The following WDFY2 variants were observed in gnomAD, a reference collection of about 807,000 sequenced individuals.
WDFY2 encodes WD repeat and FYVE domain containing 2.
Under a neutral mutation model 56.4 loss-of-function variants are expected in WDFY2, and 36 were observed. The ratio of observed to expected loss-of-function variants is 0.64; its 90% CI spans 0.49 to 0.84. The LOEUF (loss-of-function observed/expected upper bound fraction) is 0.84, where lower values mean the gene tolerates loss of function less well. WDFY2 is among the 40% of genes least tolerant of loss of function. The pLI, the probability that WDFY2 is intolerant of heterozygous loss-of-function variation, is 0.00. For missense variants in WDFY2, 444 were observed against 512.2 expected (o/e 0.87, Z 1.29); for synonymous variants, 176 against 183.7 (o/e 0.96, Z 0.34).
chr13:51,681,782 A>G (rs938668232), intron 3 of WDFY2, among the ~76,000 whole-genome samples: 8 of 152,138 alleles, frequency 5.3e-5, no homozygotes, highest in African/African-American at 1.4e-4. Context: ...GTTGCTTACT[A>G]TTTATTCATT....
rs192121779 is a variant in WDFY2, at chr13:51,643,796, T to G, written c.138-16800T>G. 2.1e-3 allele frequency among the ~76,000 whole-genome samples: 321 copies of G among 152,278 alleles called. 2 individuals carry two copies. The highest frequency in any genetic ancestry group is 1.1e-3 in the Non-Finnish European group (75 of 68,022). ...TCTTTAATTTCCCTTTCTTTTTTCT[T>G]TTTTTCCCTGTATTTATATGACCTT... is the stretch of plus-strand genomic sequence containing the variant. On this transcript the variant is annotated intron_variant, in intron 1 of 11. Transcript: ENST00000298125.
intron 3 of WDFY2, among the ~76,000 whole-genome samples, chr13:51,684,978 C>T (rs1956037621): frequency 6.6e-6 from 1 of 152,114 alleles, no homozygotes; most frequent in Non-Finnish European, 1.5e-5. Flanking sequence ...AGCTCCAAGC[C>T]CTTCATTCTC....
At chr13:51,716,256 A>G (rs1303451339) in intron 4 of WDFY2, among the ~76,000 whole-genome samples, 3 of 152,202 alleles carry the variant, frequency 2.0e-5, no homozygotes, top group Non-Finnish European at 4.4e-5. Context: ...TCATTTTGGG[A>G]TGATGGAAAT....
In WDFY2 at chr13:51,624,808, A is replaced by G. The variant is rs188768460; in HGVS notation, c.138-35788A>G. 1.3e-3 allele frequency among the ~76,000 whole-genome samples: 198 copies of G among 152,314 alleles called. 2 individuals are homozygous for G. Among genetic ancestry groups the G allele is most frequent in the Admixed American group, 9.1e-3 (139 of 15,296 alleles). On this transcript the variant is annotated intron_variant, in intron 1 of 11. Transcript: ENST00000298125. ...GGGGGTTTGCTCTGGGGCTATTTGG[A>G]CATGACTCTTCTTGGCTGAGGGAAC...
intron 3 of WDFY2, among the ~76,000 whole-genome samples, chr13:51,689,003 T>C (rs540230421): frequency 6.6e-6 from 1 of 152,200 alleles, no homozygotes; most frequent in Non-Finnish European, 1.5e-5. Context: ...GTGTGATACA[T>C]CAGTGTTCTG....
intron 8 of WDFY2, 178 bp downstream of exon 8, chr13:51,751,593 A>G: frequency 1.6e-6 from 1 of 612,744 alleles, no homozygotes; most frequent in South Asian, 1.7e-5. Flanking sequence ...GGCATGTAAC[A>G]TTACTGTGAT....
intron 3 of WDFY2, among the ~76,000 whole-genome samples, chr13:51,681,340 T>C (rs1405441324): frequency 6.6e-6 from 1 of 152,188 alleles, no homozygotes; most frequent in Non-Finnish European, 1.5e-5. Flanking sequence ...TTCCAGGACT[T>C]CTAGTGTGAT....
At chr13:51,733,223 G>A (rs1952762646) in intron 6 of WDFY2, among the ~76,000 whole-genome samples, 1 of 152,186 alleles carries the variant, frequency 6.6e-6, no homozygotes, top group South Asian at 2.1e-4. Flanking sequence ...TTTTAGTAAA[G>A]ATAGGGTTTC....
intron 3 of WDFY2, among the ~76,000 whole-genome samples, chr13:51,692,707 A>G (rs995927157): frequency 2.0e-5 from 3 of 152,228 alleles, no homozygotes; most frequent in Non-Finnish European, 2.9e-5. Flanking sequence ...TGCTGGCCTC[A>G]TAAAATGAGT....
At chr13:51,666,328 T>G (rs1361289955) in intron 2 of WDFY2, among the ~76,000 whole-genome samples, 1 of 152,216 alleles carries the variant, frequency 6.6e-6, no homozygotes, top group African/African-American at 2.4e-5. Flanking sequence ...ATCATCTACC[T>G]TAATGTACAG....
At chr13:51,663,569 T>G (rs1354163072) in intron 2 of WDFY2, among the ~76,000 whole-genome samples, 1 of 152,238 alleles carries the variant, frequency 6.6e-6, no homozygotes. Flanking sequence ...ATTCAGATGA[T>G]GTAATAATTG....
chr13:51,757,658 A>G (rs953804962), intron 10 of WDFY2, among the ~76,000 whole-genome samples: 1 of 151,998 alleles, frequency 6.6e-6, no homozygotes, highest in Admixed American at 6.5e-5. Context: ...AAGTATAGGT[A>G]AAAAATAATG....
At chr13:51,683,408 T>C (rs1220294093) in intron 3 of WDFY2, among the ~76,000 whole-genome samples, 4 of 152,240 alleles carry the variant, frequency 2.6e-5, no homozygotes, top group Non-Finnish European at 5.9e-5. Context: ...TGCTGATTTT[T>C]ACTTTGAGTT....
chr13:51,670,617 C>T (rs116296731), intron 2 of WDFY2, among the ~76,000 whole-genome samples: 1,724 of 152,078 alleles, frequency 0.011, 36 homozygotes, highest in African/African-American at 0.04. Context: ...CTAATGCTGT[C>T]TAACTCTGAC....
rs907072156 is a variant in WDFY2, at chr13:51,596,287, G to A, written c.137+11463G>A. ...TTAAATTAAGGAGGTTAATCTGCAT[G>A]CATAGTTAGCTGAATTGGCATGCTG... On this transcript the variant is annotated intron_variant, in intron 1 of 11. Coordinates refer to ENST00000298125, the MANE Select transcript of WDFY2 (RefSeq NM_052950.4). 2.0e-5 allele frequency among the ~76,000 whole-genome samples: 3 copies of A among 152,304 alleles called. No homozygotes were observed. The East Asian group carries it at 5.8e-4, about 29-fold the overall frequency.
At chr13:51,683,536 G>C (rs1956012035) in intron 3 of WDFY2, among the ~76,000 whole-genome samples, 1 of 152,168 alleles carries the variant, frequency 6.6e-6, no homozygotes, top group Admixed American at 6.5e-5. Context: ...ACCTTGGAAG[G>C]CATTCCTTTC....
rs1396494636 is a variant in WDFY2, at chr13:51,762,108, A to C, written c.*2339A>C. ...TATGTAATATAGGACTGTGTGTTGGAAATGAGTAATAGAGCTGAATCACTC... is the reference window on the plus strand; with the variant it reads ...TATGTAATATAGGACTGTGTGTTGGCAATGAGTAATAGAGCTGAATCACTC... On this transcript the variant is annotated 3_prime_UTR_variant, in exon 12 of 12. Transcript: ENST00000298125. 1 of 152,250 alleles carries C rather than the reference A, an allele frequency of 6.6e-6. No homozygotes were observed. The highest frequency in any genetic ancestry group is 1.5e-5 in the Non-Finnish European group (1 of 68,044). 9.4% of individuals were successfully genotyped at this position (152,250 alleles called of 1,614,324 possible).
At chr13:51,712,176 T>C (rs578248503) in intron 4 of WDFY2, among the ~76,000 whole-genome samples, 2 of 152,298 alleles carry the variant, frequency 1.3e-5, no homozygotes, top group Non-Finnish European at 2.9e-5. Flanking sequence ...AAACCATCAT[T>C]CTGAGCAAAC....
chr13:51,691,380 G>T (rs925494822), intron 3 of WDFY2, among the ~76,000 whole-genome samples: 2 of 150,464 alleles, frequency 1.3e-5, no homozygotes, highest in East Asian at 1.9e-4. Flanking sequence ...TGTATAAGGT[G>T]TAAGGAAGGG....
Sources: allele counts gnomAD v4.1 joint callset (sites outside exome capture counted in the v4.1 genomes callset), GRCh38; gene constraint gnomAD v4.1.1; transcripts MANE v1.5; gene names NCBI Gene and HGNC (gene_info 2026-07-23, HGNC 2026-07-21).